The following SYNE1 variants were observed in gnomAD, a reference collection of about 807,000 sequenced individuals.
SYNE1 encodes nesprin-1.
A neutral mutation model predicts 1,111.0 loss-of-function variants in SYNE1; 616 were observed. That is an observed-to-expected ratio of 0.55 (90% CI 0.52 to 0.59). The LOEUF (loss-of-function observed/expected upper bound fraction) is 0.59, where lower values mean the gene tolerates loss of function less well. Ranked by LOEUF, SYNE1 falls within the 20% of genes least tolerant of loss-of-function variation. The probability of loss-of-function intolerance (pLI) is 0.00; values close to 1 mark genes in which losing one functional copy is unlikely to be tolerated. For synonymous variants in SYNE1, 3,855 were observed against 3,825.8 expected, an observed-to-expected ratio of 1.01 and a Z score of -0.28; for missense variants, 10,006 against 10,417.0, an observed-to-expected ratio of 0.96 and a Z score of 1.72.
rs757122298 is a variant in SYNE1 at position 152,164,257 on chromosome 6, G to A, written c.23696C>T (p.Thr7899Ile). ...CTCTGACTCGATGTGAGCGAGCCAGGTCCTCAGGCTGCTCATGTTCTTATC... is the reference window on the plus strand; with the variant it reads ...CTCTGACTCGATGTGAGCGAGCCAGATCCTCAGGCTGCTCATGTTCTTATC... ...QLDKNMSSLR[T>I]WLAHIESELA... Residue 7899 changes from threonine (T) to isoleucine (I), a missense_variant, in exon 131 of 146, where the codon ACC becomes ATC. Physicochemically the swap from Thr to Ile is moderately conservative, Grantham distance 89. Transcript: ENST00000367255. The A allele has an allele frequency of 1.2e-6, 2 of 1,614,162 alleles. No homozygotes were observed. Among genetic ancestry groups the A allele is most frequent in the Non-Finnish European group, 1.7e-6 (2 of 1,180,038 alleles).
chr6:152,135,298 T>G, intron 141 of SYNE1, 66 bp from the exon 142 acceptor site: 1 of 1,539,182 alleles, frequency 6.5e-7, no homozygotes, highest in Non-Finnish European at 8.8e-7. Context: ...CTTAAATGTC[T>G]TTCAACTGCC....
intron 3 of SYNE1, among the ~76,000 whole-genome samples, chr6:152,619,209 C>G (rs778454823): frequency 6.6e-6 from 1 of 152,150 alleles, no homozygotes; most frequent in Non-Finnish European, 1.5e-5. Flanking sequence ...CTGGTTCCCC[C>G]CTTTATAAGT....
chr6:152,549,407 C>T (rs1595145612), intron 3 of SYNE1, among the ~76,000 whole-genome samples: 1 of 152,188 alleles, frequency 6.6e-6, no homozygotes, highest in Non-Finnish European at 1.5e-5. Flanking sequence ...TAGTTTGTTA[C>T]ACAGCAAAGG....
chr6:152,394,946 C>T (rs535509842), intron 51 of SYNE1, among the ~76,000 whole-genome samples: 72 of 152,004 alleles, frequency 4.7e-4, no homozygotes, highest in African/African-American at 1.6e-3. Context: ...CCACGCCCAG[C>T]TAATTTTTGT....
intron 144 of SYNE1, 136 bp from the exon 145 acceptor site, chr6:152,130,914 T>A: frequency 1.2e-6 from 1 of 815,792 alleles, no homozygotes; most frequent in Non-Finnish European, 1.9e-6. Flanking sequence ...ACCCATGAAT[T>A]AAGGAAACTG....
rs1010531718 is a variant in SYNE1 at position 152,427,756 on chromosome 6, A to G, written c.5037T>C (p.Ser1679=). 11 of 1,614,002 alleles carry G rather than the reference A, an allele frequency of 6.8e-6. No individual in the cohort carries two copies. The Admixed American group carries it at 1.3e-4, about 20-fold the overall frequency. Residue 1679 remains serine, a synonymous_variant, in exon 38 of 146, where the codon AGT becomes AGC. Transcript: ENST00000367255. ...TWLERGEAKA[S]SPEMDISADR... is the part of the protein sequence containing the mutation. ...CTGCAGAAATGTCCATTTCTGGGGA[A>G]CTGGCTTTAGCTTCACCCCGCTCTA...
Position 152,362,327 on chromosome 6 carries a change from A to G in SYNE1, c.10146-4T>C, listed in dbSNP as rs2096946356. ...GGAGAGAGCTCCTTCGAGTTGGCTG[A>G]AAGGGATTTGAAAGGACAATAAATC... On this transcript the variant is annotated splice_polypyrimidine_tract_variant and splice_region_variant and intron_variant, in intron 63 of 145. Coordinates refer to ENST00000367255, the MANE Select transcript of SYNE1 (RefSeq NM_182961.4). 1 of 1,614,214 alleles carries G rather than the reference A, an allele frequency of 6.2e-7. No individual in the cohort carries two copies. The highest frequency in any genetic ancestry group is 1.7e-5 in the Admixed American group (1 of 60,022).
chr6:152,415,992 C>T (rs1351151356), intron 41 of SYNE1, among the ~76,000 whole-genome samples: 2 of 152,156 alleles, frequency 1.3e-5, no homozygotes, highest in East Asian at 3.9e-4. Context: ...ATTTTGAGGG[C>T]TTCAACACTT....
Position 152,526,152 on chromosome 6 carries a change from G to A in SYNE1, c.153C>T (p.Asp51=), listed in dbSNP as rs779081280. The change falls in exon 5 of 146, where the codon GAC becomes GAT. Residue 51 remains aspartate, a synonymous_variant. Transcript: ENST00000367255. ...LAKRKPPMVV[D]DLFEDMKDGV... ...CATCTTTCATGTCTTCAAAAAGATC[G>A]TCCACCACCATTGGAGGTTTCCGCT... 6.2e-6 allele frequency: 10 copies of A among 1,613,970 alleles called. No homozygotes were observed. Among genetic ancestry groups the A allele is most frequent in the East Asian group, 4.5e-5 (2 of 44,882 alleles).
chr6:152,511,468 A>C, intron 6 of SYNE1: 1 of 1,021,900 alleles, frequency 9.8e-7, no homozygotes, highest in South Asian at 1.3e-5. Flanking sequence ...GAGAAGTTTA[A>C]GAAGATGCAC....
At chr6:152,586,623 A>G (rs1427908430) in intron 3 of SYNE1, among the ~76,000 whole-genome samples, 2 of 150,822 alleles carry the variant, frequency 1.3e-5, no homozygotes, top group Admixed American at 1.3e-4. Context: ...AAAACTTAGC[A>G]CTGATGCTGG....
At chr6:152,439,604 T>C (rs1409723241) in intron 32 of SYNE1, among the ~76,000 whole-genome samples, 1 of 152,216 alleles carries the variant, frequency 6.6e-6, no homozygotes, top group Non-Finnish European at 1.5e-5. Flanking sequence ...TGAAAGAGTC[T>C]GTGGTCTTAG....
At position 152,301,944 on chromosome 6, in the gene SYNE1, C is replaced by T. The variant is rs368601212; in HGVS notation, c.17466G>A (p.Glu5822=). The change falls in exon 92 of 146, where the codon GAG becomes GAA. Residue 5822 remains glutamate (E), a synonymous_variant. Coordinates refer to ENST00000367255, the MANE Select transcript of SYNE1 (RefSeq NM_182961.4). ...GGTCCTCTGTCCCTTCCGCCAGCCC[C>T]TCGACCTCGGTCACCGTCAGCAGCA... is the stretch of plus-strand genomic sequence containing the variant. ...ATMLLTVTEV[E]GLAEGTEDLD... is the part of the protein sequence containing the mutation. 3.1e-6 allele frequency: 5 copies of T among 1,614,114 alleles called. No individual in the cohort carries two copies. The highest frequency in any genetic ancestry group is 1.7e-5 in the Admixed American group (1 of 60,010).
At chr6:152,421,707 ATTTATTTATTTT>A (rs2098263747) in intron 39 of SYNE1, among the ~76,000 whole-genome samples, 1 of 143,316 alleles carries the variant, frequency 7.0e-6, no homozygotes, top group African/African-American at 2.8e-5. Context: ...TTATTTATTT[ATTTATTTATTTT>A]TTGGAGATGG....
intron 22 of SYNE1, 123 bp downstream of exon 22, chr6:152,458,634 G>T: frequency 2.0e-6 from 2 of 1,021,776 alleles, no homozygotes; most frequent in African/African-American, 1.6e-5. Flanking sequence ...TTTGTTTTGA[G>T]TTAGTAGTAC....
intron 12 of SYNE1, among the ~76,000 whole-genome samples, chr6:152,488,039 C>G (rs1564398058): frequency 1.4e-5 from 2 of 146,942 alleles, no homozygotes; most frequent in Non-Finnish European, 3.0e-5. Context: ...CACGCCATTG[C>G]ACTCTAGCCT....
At chr6:152,587,196 G>T (rs1423609628) in intron 3 of SYNE1, among the ~76,000 whole-genome samples, 1 of 152,160 alleles carries the variant, frequency 6.6e-6, no homozygotes, top group Non-Finnish European at 1.5e-5. Context: ...TTGGGTAGGA[G>T]TATGATTATT....
intron 3 of SYNE1, among the ~76,000 whole-genome samples, chr6:152,565,382 G>A (rs1057002556): frequency 6.6e-6 from 1 of 152,074 alleles, no homozygotes; most frequent in African/African-American, 2.4e-5. Context: ...CATTCCTAAG[G>A]GCTAGCAGAT....
intron 30 of SYNE1, 90 bp downstream of exon 30, chr6:152,444,321 C>G: frequency 2.8e-6 from 4 of 1,450,420 alleles, no homozygotes; most frequent in Non-Finnish European, 2.9e-6. Context: ...CCCACTCTCT[C>G]AAGCCAGTGG....
Sources: gnomAD v4.1 joint callset for allele counts (sites outside exome capture counted in the v4.1 genomes callset) on GRCh38, gnomAD v4.1.1 for gene constraint, MANE v1.5 for transcripts, NCBI Gene and HGNC (gene_info 2026-07-23, HGNC 2026-07-21) for gene names.